Variants in MAP1B observed in about 807,000 individuals in gnomAD.
The protein encoded by MAP1B is microtubule associated protein 1B, also known as microtubule-associated protein 1B.
Under a neutral mutation model 176.1 loss-of-function variants are expected in MAP1B, and 12 were observed. The observed-to-expected ratio is 0.07, with a 90% confidence interval of 0.04 to 0.11. MAP1B has a LOEUF of 0.11. Among genes scored for constraint, MAP1B ranks in the 10% least tolerant of loss-of-function variants. The pLI, the probability that MAP1B is intolerant of heterozygous loss-of-function variation, is 1.00. For synonymous variants in MAP1B, 1,044 were observed against 1,135.0 expected, an observed-to-expected ratio of 0.92 and a Z score of 1.61; for missense variants, 2,523 against 2,990.5, an observed-to-expected ratio of 0.84 and a Z score of 3.65.
In MAP1B at chr5:72,195,147, A is replaced by C. The variant is rs572129758; in HGVS notation, c.1792A>C (p.Thr598Pro). The stretch of plus-strand genomic sequence containing the variant: ...AAAAGACAAGCCAATAAAAACAGAG[A>C]CCAAACCTTCAGTGACTGAAAAGGA... ...VKKDKPIKTE[T>P]KPSVTEKEVP... is the part of the protein sequence containing the mutation. Residue 598 changes from threonine to proline, a missense_variant, in exon 5 of 7, where the codon ACC becomes CCC. Thr to Pro is a conservative substitution (Grantham distance 38). This residue lies in a region of MAP1B where 1,925 missense variants were observed against 2,126.0 expected (regional missense o/e 0.91). Coordinates refer to ENST00000296755, the MANE Select transcript of MAP1B (RefSeq NM_005909.5). 1.1e-5 allele frequency: 18 copies of C among 1,613,456 alleles called. No individual in the cohort carries two copies. The highest frequency in any genetic ancestry group is 1.4e-5 in the Non-Finnish European group (17 of 1,179,758).
chr5:72,159,433 CAGAT>C (rs5868629), intron 2 of MAP1B, among the ~76,000 whole-genome samples: 114,769 of 151,342 alleles, frequency 0.76, 44,666 homozygotes, highest in South Asian at 0.92. Flanking sequence ...ACTAAAAAGG[CAGAT>C]AGATAGTGTA....
Position 72,196,387 on chromosome 5 carries a change from G to A in MAP1B, c.3032G>A (p.Gly1011Glu), listed in dbSNP as rs1205527208. The A allele has an allele frequency of 1.2e-6, 2 of 1,613,980 alleles. No homozygotes were observed. Among genetic ancestry groups the A allele is most frequent in the Non-Finnish European group, 1.7e-6 (2 of 1,180,026 alleles). Residue 1011 changes from glycine to glutamate, a missense_variant, in exon 5 of 7, where the codon GGA (glycine) becomes GAA (glutamate). By Grantham distance (98) the Gly-to-Glu change is moderately conservative. Transcript: ENST00000296755. The surrounding 1 kb of genome is among the most constrained non-coding windows in gnomAD (Gnocchi z 5.3). Reference sequence around the variant, plus strand: ...GACATGGATGAGGCCATTGAGAAAGGAGAGGCTGAACAATCTGAAGAGGAG... The same window carrying A: ...GACATGGATGAGGCCATTGAGAAAGAAGAGGCTGAACAATCTGAAGAGGAG... ...EEDMDEAIEK[G>E]EAEQSEEEAD...
At chr5:72,121,157 G>A (rs924615560) in intron 2 of MAP1B, among the ~76,000 whole-genome samples, 24 of 152,182 alleles carry the variant, frequency 1.6e-4, no homozygotes, top group Non-Finnish European at 3.5e-4. Context: ...GCCCACGCAA[G>A]GGCTGTCAGG....
rs1747303678 is a variant in MAP1B at position 72,200,321 on chromosome 5, T to C, written c.6966T>C (p.Asn2322=). 1 of 1,614,194 alleles carries C rather than the reference T, an allele frequency of 6.2e-7. No homozygotes were observed. Among genetic ancestry groups the C allele is most frequent in the Non-Finnish European group, 8.5e-7 (1 of 1,180,028 alleles). Residue 2322 remains asparagine (N), a synonymous_variant, in exon 5 of 7, where the codon AAT becomes AAC. Coordinates refer to ENST00000296755, the MANE Select transcript of MAP1B (RefSeq NM_005909.5). The part of the protein sequence containing the change: ...RGEEKDKETK[N]AANASASKSA... The stretch of plus-strand genomic sequence containing the variant: ...AAGAGAAAGACAAGGAGACCAAGAA[T>C]GCTGCCAATGCCTCTGCATCCAAGT...
In MAP1B at chr5:72,194,620, T is replaced by A; in HGVS notation, c.1265T>A (p.Met422Lys). 1 of 1,614,138 alleles carries A rather than the reference T, an allele frequency of 6.2e-7. No individual in the cohort carries two copies. The highest frequency in any genetic ancestry group is 8.5e-7 in the Non-Finnish European group (1 of 1,180,040). ...FQKMGVGKLE[M>K]YVLNPVKSSK... is the part of the protein sequence containing the mutation. ...AAAATGGGAGTAGGTAAACTTGAGA[T>A]GTATGTGCTTAATCCAGTCAAGAGC... Residue 422 changes from methionine to lysine, a missense_variant, in exon 5 of 7, where the codon ATG becomes AAG. Met to Lys is a moderately conservative substitution (Grantham distance 95). Transcript: ENST00000296755. The surrounding 1 kb of genome is among the most constrained non-coding windows in gnomAD (Gnocchi z 7.2).
At chr5:72,193,090 C>T (rs573799928) in intron 4 of MAP1B, among the ~76,000 whole-genome samples, 1 of 152,322 alleles carries the variant, frequency 6.6e-6, no homozygotes, top group African/African-American at 2.4e-5. Context: ...GGCCAAACCA[C>T]TTTAATGTCA....
At chr5:72,183,613 T>C in intron 2 of MAP1B, 130 bp from the exon 3 acceptor site, 2 of 655,258 alleles carry the variant, frequency 3.1e-6, no homozygotes, top group Non-Finnish European at 2.8e-6. Context: ...CCCAAGATGA[T>C]GTAGAGAATT....
At chr5:72,168,635 C>T (rs1746475491) in intron 2 of MAP1B, among the ~76,000 whole-genome samples, 1 of 152,102 alleles carries the variant, frequency 6.6e-6, no homozygotes, top group Non-Finnish European at 1.5e-5. Flanking sequence ...GCAATTTTCC[C>T]CAAAGTCCCC....
At chr5:72,190,819 T>C (rs144958288) in intron 4 of MAP1B, among the ~76,000 whole-genome samples, 1,779 of 152,316 alleles carry the variant, frequency 0.012, 31 homozygotes, top group African/African-American at 0.04. Flanking sequence ...ATACACTGTC[T>C]ACTGTATTTC....
At chr5:72,179,889 T>G in intron 2 of MAP1B, 2 of 985,508 alleles carry the variant, frequency 2.0e-6, no homozygotes, top group South Asian at 4.7e-5. Context: ...GTCTGAAGAT[T>G]GACTTGGAAG....
chr5:72,116,451 A>C (rs1162293030), intron 2 of MAP1B: 2 of 421,142 alleles, frequency 4.7e-6, no homozygotes, highest in Non-Finnish European at 9.2e-6. Context: ...AGAATAATTA[A>C]AGGTAAGGAT....
intron 2 of MAP1B, among the ~76,000 whole-genome samples, chr5:72,127,041 G>A (rs1455930247): frequency 6.6e-6 from 1 of 152,194 alleles, no homozygotes; most frequent in East Asian, 1.9e-4. Context: ...GTGTTGCATT[G>A]AGCTTCAGGT....
At chr5:72,143,669 G>A (rs1231601361) in intron 2 of MAP1B, among the ~76,000 whole-genome samples, 1 of 152,080 alleles carries the variant, frequency 6.6e-6, no homozygotes, top group Non-Finnish European at 1.5e-5. Context: ...TCATCAACTG[G>A]GTGGCGTAAG....
In MAP1B at chr5:72,200,179, C is replaced by A. The variant is rs150487096; in HGVS notation, c.6824C>A (p.Ala2275Glu). 1 of 1,614,202 alleles carries A rather than the reference C, an allele frequency of 6.2e-7. No individual in the cohort carries two copies. Among genetic ancestry groups the A allele is most frequent in the Admixed American group, 1.7e-5 (1 of 60,030 alleles). Residue 2275 changes from alanine (A) to glutamate (E), a missense_variant, in exon 5 of 7, where the codon GCG becomes GAG. Transcript: ENST00000296755. ...CCCTTGGCAGCTTCACCAAAACCAG[C>A]GGGCTTGAAAGAATCCTCGGATAAA... ...SKPLAASPKP[A>E]GLKESSDKVS... is the part of the protein sequence containing the mutation.
intron 2 of MAP1B, among the ~76,000 whole-genome samples, chr5:72,148,527 G>T (rs903568461): frequency 1.3e-5 from 2 of 152,220 alleles, no homozygotes; most frequent in Non-Finnish European, 2.9e-5. Flanking sequence ...TTGCACTTAT[G>T]AATGTACAGT....
At chr5:72,127,628 C>A (rs1476166446) in intron 2 of MAP1B, among the ~76,000 whole-genome samples, 4 of 151,754 alleles carry the variant, frequency 2.6e-5, no homozygotes, top group Non-Finnish European at 5.9e-5. Context: ...TAAAAAAAAA[C>A]CTAGGTGTGA....
intron 2 of MAP1B, among the ~76,000 whole-genome samples, chr5:72,137,316 A>G (rs990778643): frequency 6.6e-6 from 1 of 152,202 alleles, no homozygotes; most frequent in Non-Finnish European, 1.5e-5. Context: ...TAGAACCTTG[A>G]GTGTATTATT....
intron 2 of MAP1B, among the ~76,000 whole-genome samples, chr5:72,119,786 T>G (rs1011281038): frequency 1.3e-5 from 2 of 152,180 alleles, no homozygotes; most frequent in African/African-American, 4.8e-5. Context: ...GGATTATAGG[T>G]GTGAGCCACT....
chr5:72,156,968 T>G (rs1266195314), intron 2 of MAP1B, among the ~76,000 whole-genome samples: 2 of 152,220 alleles, frequency 1.3e-5, no homozygotes, highest in African/African-American at 4.8e-5. Flanking sequence ...AGTAGTAGCA[T>G]CATTACGGGC....
Sources: allele counts gnomAD v4.1 joint callset (sites outside exome capture counted in the v4.1 genomes callset), GRCh38; gene constraint gnomAD v4.1.1; regional missense constraint gnomAD v4.1.1; non-coding constraint Gnocchi (gnomAD v3.1); transcripts MANE v1.5; gene names NCBI Gene and HGNC (gene_info 2026-07-23, HGNC 2026-07-21).